The following PRDM5 variants were observed in gnomAD, a reference collection of about 807,000 sequenced individuals.
The protein encoded by PRDM5 is PR domain zinc finger protein 5.
PRDM5 carries 56 observed loss-of-function variants against 81.2 expected under a neutral mutation model. That is an observed-to-expected ratio of 0.69 (90% CI 0.56 to 0.86). The LOEUF is 0.86. Ranked by LOEUF, PRDM5 falls within the 40% of genes least tolerant of loss-of-function variation. PRDM5 has a pLI of 0.00. For synonymous variants in PRDM5, 267 were observed against 256.4 expected, an observed-to-expected ratio of 1.04 and a Z score of -0.39; for missense variants, 697 against 770.1, an observed-to-expected ratio of 0.91 and a Z score of 1.12.
At chr4:120,878,747 C>G (rs1422848779) in intron 2 of PRDM5, among the ~76,000 whole-genome samples, 1 of 151,968 alleles carries the variant, frequency 6.6e-6, no homozygotes, top group Non-Finnish European at 1.5e-5. Context: ...AACCCTTGGC[C>G]AAAAGATGAA....
intron 8 of PRDM5, among the ~76,000 whole-genome samples, chr4:120,809,072 C>T (rs945533311): frequency 1.3e-5 from 2 of 152,166 alleles, no homozygotes; most frequent in Admixed American, 6.5e-5. Flanking sequence ...CGCCAAGGGC[C>T]GAGGAGGCAT....
chr4:120,697,134 A>G (rs753796314), intron 15 of PRDM5, among the ~76,000 whole-genome samples: 5 of 152,218 alleles, frequency 3.3e-5, no homozygotes, highest in Non-Finnish European at 7.3e-5. Context: ...AATTAGGGTA[A>G]AAAGCAAAAT....
At chr4:120,844,199 CT>C (rs1374364637) in intron 3 of PRDM5, among the ~76,000 whole-genome samples, 1 of 152,030 alleles carries the variant, frequency 6.6e-6, no homozygotes, top group Non-Finnish European at 1.5e-5. Context: ...ACAGATTTTA[CT>C]TTGTTTCATA....
At chr4:120,839,714 GC>G (rs1757773870) in intron 3 of PRDM5, among the ~76,000 whole-genome samples, 1 of 152,166 alleles carries the variant, frequency 6.6e-6, no homozygotes, top group Non-Finnish European at 1.5e-5. Flanking sequence ...CCGGGTACCT[GC>G]CCCCTTTTGC....
chr4:120,773,935 A>G (rs947888252), intron 13 of PRDM5, among the ~76,000 whole-genome samples: 1 of 152,230 alleles, frequency 6.6e-6, no homozygotes, highest in Non-Finnish European at 1.5e-5. Flanking sequence ...TTTCTAGTTT[A>G]GCAAATGCAG....
downstream of PRDM5, among the ~76,000 whole-genome samples, chr4:120,691,375 G>A (rs1481147033): frequency 2.6e-5 from 4 of 152,048 alleles, no homozygotes; most frequent in Non-Finnish European, 5.9e-5. Context: ...TGCCTCAGCT[G>A]ATTCTGAAAA....
intron 10 of PRDM5, among the ~76,000 whole-genome samples, chr4:120,786,895 C>T (rs1212981484): frequency 3.3e-5 from 5 of 152,138 alleles, no homozygotes; most frequent in South Asian, 2.1e-4. Context: ...TTTCATTCAT[C>T]GTTTTATTTT....
intron 8 of PRDM5, among the ~76,000 whole-genome samples, chr4:120,805,278 A>C (rs1418641560): frequency 6.6e-6 from 1 of 152,236 alleles, no homozygotes; most frequent in South Asian, 2.1e-4. Context: ...AGGTACAAGG[A>C]GGAGCTGGTA....
At chr4:120,851,395 A>G (rs372507553) in intron 3 of PRDM5, among the ~76,000 whole-genome samples, 1 of 151,870 alleles carries the variant, frequency 6.6e-6, no homozygotes, top group Non-Finnish European at 1.5e-5. Flanking sequence ...GTTCTCATGG[A>G]TGAGTTTGCC....
chr4:120,751,339 A>G (rs1017139400), intron 14 of PRDM5, among the ~76,000 whole-genome samples: 1 of 152,236 alleles, frequency 6.6e-6, no homozygotes, highest in Non-Finnish European at 1.5e-5. Context: ...GAAAATATCA[A>G]TAGAAATTAG....
chr4:120,759,448 C>T (rs1015221733), intron 13 of PRDM5, among the ~76,000 whole-genome samples: 2 of 152,180 alleles, frequency 1.3e-5, no homozygotes, highest in Non-Finnish European at 1.5e-5. Context: ...CCCACACAAT[C>T]GGAACCTGAA....
Position 120,685,055 on chromosome 4 carries a change from T to C in PRDM5, n.104-30A>G, listed in dbSNP as rs144603234. ...AAAAGGAAAGATGTATTCAGATTCA[T>C]ATGTAAACACTTGAATTAATTTGTG... is the stretch of plus-strand genomic sequence containing the variant. On this transcript the variant is annotated intron_variant and non_coding_transcript_variant, in intron 1 of 1. Transcript: ENST00000513741. The C allele has an allele frequency of 2.0e-5, 3 of 152,200 alleles. No homozygotes were observed. The East Asian group carries it at 5.8e-4, about 29-fold the overall frequency. 9.4% of individuals were successfully genotyped at this position (152,200 alleles called of 1,614,324 possible).
At chr4:120,700,968 T>C (rs1016582926) in intron 15 of PRDM5, among the ~76,000 whole-genome samples, 1 of 151,852 alleles carries the variant, frequency 6.6e-6, no homozygotes, top group Non-Finnish European at 1.5e-5. Context: ...CTACTACAAA[T>C]ACAAAAATTA....
At chr4:120,816,653 G>C (rs1248089292) in intron 6 of PRDM5, 79 bp from the exon 7 acceptor site, 15 of 1,591,728 alleles carry the variant, frequency 9.4e-6, no homozygotes, top group Admixed American at 5.0e-5. Flanking sequence ...GCAAGATTTT[G>C]TAATACATGC....
At chr4:120,829,926 G>A (rs1460142243) in intron 3 of PRDM5, among the ~76,000 whole-genome samples, 2 of 151,738 alleles carry the variant, frequency 1.3e-5, no homozygotes, top group African/African-American at 4.8e-5. Context: ...CGATGAAGGT[G>A]CAAAAAAGAA....
chr4:120,826,319 C>T (rs1561399917), intron 3 of PRDM5, among the ~76,000 whole-genome samples: 1 of 152,140 alleles, frequency 6.6e-6, no homozygotes, highest in Non-Finnish European at 1.5e-5. Flanking sequence ...CCTCCATGTG[C>T]TCTGAGGCGC....
intron 9 of PRDM5, among the ~76,000 whole-genome samples, chr4:120,798,912 T>G (rs889858459): frequency 2.0e-5 from 3 of 152,172 alleles, no homozygotes; most frequent in African/African-American, 7.2e-5. Context: ...CATTGACACC[T>G]AAATAAAAAA....
At position 120,711,291 on chromosome 4, in the gene PRDM5, G is replaced by T. The variant is rs182544677; in HGVS notation, c.1624-878C>A. 1.3e-3 allele frequency among the ~76,000 whole-genome samples: 197 copies of T among 152,054 alleles called. 1 individual carries two copies. The highest frequency in any genetic ancestry group is 4.5e-3 in the African/African-American group (185 of 41,486). ...ATAAGTTTAAAAATGAATCAACTGT[G>T]ATTTATGTATTTCCTTTTTGTTGTT... On this transcript the variant is annotated intron_variant, in intron 14 of 15. Transcript: ENST00000264808.
intron 2 of PRDM5, among the ~76,000 whole-genome samples, chr4:120,893,245 C>T (rs1482410379): frequency 6.6e-6 from 1 of 152,190 alleles, no homozygotes; most frequent in Non-Finnish European, 1.5e-5. Context: ...TTCACTCACC[C>T]TTTTCCATGT....
Sources: allele counts gnomAD v4.1 joint callset (sites outside exome capture counted in the v4.1 genomes callset), GRCh38; gene constraint gnomAD v4.1.1; transcripts MANE v1.5; gene names NCBI Gene and HGNC (gene_info 2026-07-23, HGNC 2026-07-21).